Variants in RPS6KA2 observed in about 807,000 individuals in gnomAD.
The protein encoded by RPS6KA2 is ribosomal protein S6 kinase A2.
RPS6KA2 carries 42 observed loss-of-function variants against 91.8 expected under a neutral mutation model. That is an observed-to-expected ratio of 0.46 (90% confidence interval 0.36 to 0.59). The LOEUF is 0.59. Among genes scored for constraint, RPS6KA2 ranks in the 20% least tolerant of loss-of-function variants. RPS6KA2 has a pLI of 0.00. For synonymous variants in RPS6KA2, 414 were observed against 393.6 expected, an observed-to-expected ratio of 1.05 and a Z score of -0.61; for missense variants, 798 against 978.5, an observed-to-expected ratio of 0.82 and a Z score of 2.46.
intron 1 of RPS6KA2, among the ~76,000 whole-genome samples, chr6:166,540,713 T>C (rs1243592779): frequency 6.6e-6 from 1 of 152,158 alleles, no homozygotes; most frequent in East Asian, 1.9e-4. Flanking sequence ...TGCAGGACCA[T>C]GCTAGCCACC....
chr6:166,807,584 C>T (rs2128619582), intron 2 of RPS6KA2, among the ~76,000 whole-genome samples: 1 of 152,014 alleles, frequency 6.6e-6, no homozygotes, highest in South Asian at 2.1e-4. Context: ...TGAGTAGCAG[C>T]CCCATTCCTA....
At chr6:166,542,901 T>C (rs574232179) in intron 1 of RPS6KA2, among the ~76,000 whole-genome samples, 78 of 152,298 alleles carry the variant, frequency 5.1e-4, no homozygotes, top group African/African-American at 1.6e-3. Context: ...GGAAACAAAA[T>C]AGGCAAGGGT....
At chr6:166,510,594 T>G (rs1459158582) in intron 3 of RPS6KA2, among the ~76,000 whole-genome samples, 3 of 69,270 alleles carry the variant, frequency 4.3e-5, no homozygotes, top group Non-Finnish European at 8.9e-5. Context: ...TATATATATA[T>G]ATATATATAT....
At chr6:166,709,994 C>A (rs896136707) in intron 2 of RPS6KA2, among the ~76,000 whole-genome samples, 12 of 152,150 alleles carry the variant, frequency 7.9e-5, no homozygotes, top group African/African-American at 2.7e-4. Flanking sequence ...TATTATCGAA[C>A]CAGAATCTTC....
At chr6:166,610,402 C>T (rs1394407247) in intron 1 of RPS6KA2, among the ~76,000 whole-genome samples, 1 of 152,166 alleles carries the variant, frequency 6.6e-6, no homozygotes, top group Non-Finnish European at 1.5e-5. Flanking sequence ...ACTAGTTACC[C>T]ATCGGCTGTA....
chr6:166,631,259 G>A (rs146518869), upstream of RPS6KA2, among the ~76,000 whole-genome samples: 20 of 152,326 alleles, frequency 1.3e-4, no homozygotes, highest in Non-Finnish European at 2.9e-4. Flanking sequence ...GAAACCAGAG[G>A]GCCTGGTTTC....
At chr6:166,589,634 A>G (rs1291229072) in intron 1 of RPS6KA2, among the ~76,000 whole-genome samples, 2 of 152,178 alleles carry the variant, frequency 1.3e-5, no homozygotes, top group Non-Finnish European at 2.9e-5. Context: ...GAAACTGGGA[A>G]ATTGAACTTT....
At chr6:166,628,089 G>A (rs1242622052), upstream of RPS6KA2, 2 of 152,280 alleles carry the variant, frequency 1.3e-5, no homozygotes, top group Non-Finnish European at 2.9e-5. Context: ...CGTCTACACA[G>A]ATGGCTTATC....
chr6:166,640,922 G>A (rs188317657), intron 2 of RPS6KA2, among the ~76,000 whole-genome samples: 100 of 152,260 alleles, frequency 6.6e-4, no homozygotes, highest in African/African-American at 2.2e-3. Flanking sequence ...GTGGGAGTGT[G>A]GCAAAGAGCA....
At chr6:166,783,048 GTATTATTATTATTATTAT>G (rs71686287) in intron 2 of RPS6KA2, among the ~76,000 whole-genome samples, 4,965 of 134,666 alleles carry the variant, frequency 0.037, 145 homozygotes, top group Non-Finnish European at 0.048. Flanking sequence ...TATCTTTTAG[GTATTATTATTATTATTAT>G]TATTATTATT....
In RPS6KA2 at chr6:166,461,621, GCA is replaced by G. The variant is rs201733313; in HGVS notation, c.973-2072_973-2071del. Among the ~76,000 whole-genome samples, 151 of 148,140 alleles carry G rather than the reference GCA, an allele frequency of 1.0e-3. 1 individual carries two copies. The highest frequency in any genetic ancestry group is 3.6e-3 in the Middle Eastern group (1 of 278). ...GGGAAGGGGGTAAGAAAGAGAGAGAGCACGCACTAGCTCGATCCAGCACAGAG... is the reference window on the plus strand; with the variant it reads ...GGGAAGGGGGTAAGAAAGAGAGAGAGCGCACTAGCTCGATCCAGCACAGAG... On this transcript the variant is annotated intron_variant, in intron 11 of 20. Coordinates refer to ENST00000265678, the MANE Select transcript of RPS6KA2 (RefSeq NM_021135.6).
At chr6:166,736,321 A>G (rs1474241409) in intron 2 of RPS6KA2, among the ~76,000 whole-genome samples, 1 of 152,210 alleles carries the variant, frequency 6.6e-6, no homozygotes, top group African/African-American at 2.4e-5. Context: ...AGATTTTCTC[A>G]AGAGTCCCGT....
intron 2 of RPS6KA2, among the ~76,000 whole-genome samples, chr6:166,531,531 A>C (rs1008466919): frequency 6.6e-6 from 1 of 152,252 alleles, no homozygotes; most frequent in African/African-American, 2.4e-5. Context: ...TGTATGAAGA[A>C]GCGTCATTTG....
At chr6:166,630,138 C>G (rs1787028966), upstream of RPS6KA2, among the ~76,000 whole-genome samples, 1 of 152,098 alleles carries the variant, frequency 6.6e-6, no homozygotes, top group Non-Finnish European at 1.5e-5. Context: ...GGCGGGAGTC[C>G]CAGGCTGAGG....
chr6:166,684,793 C>T (rs186801692), intron 2 of RPS6KA2, among the ~76,000 whole-genome samples: 14 of 152,344 alleles, frequency 9.2e-5, no homozygotes, highest in South Asian at 2.1e-4. Context: ...CACCCTTCCC[C>T]CTGAACAACT....
intron 3 of RPS6KA2, among the ~76,000 whole-genome samples, chr6:166,525,771 G>A (rs1583240507): frequency 6.6e-6 from 1 of 152,348 alleles, no homozygotes; most frequent in South Asian, 2.1e-4. Flanking sequence ...CAGGTGGAGA[G>A]CATCCCTGCG....
chr6:166,413,993 C>A, intron 19 of RPS6KA2, 62 bp from the exon 20 acceptor site: 1 of 1,529,306 alleles, frequency 6.5e-7, no homozygotes, highest in Non-Finnish European at 8.9e-7. Flanking sequence ...GGTCAGAGAG[C>A]CTCCCCAGCA....
chr6:166,792,697 A>G (rs950840315), intron 2 of RPS6KA2, among the ~76,000 whole-genome samples: 8 of 152,248 alleles, frequency 5.3e-5, no homozygotes, highest in African/African-American at 1.9e-4. Flanking sequence ...AGGCTGGTTC[A>G]ATATATGCAA....
intron 1 of RPS6KA2, among the ~76,000 whole-genome samples, chr6:166,541,986 C>T (rs1032158453): frequency 6.6e-5 from 10 of 152,352 alleles, no homozygotes; most frequent in Non-Finnish European, 1.2e-4. Context: ...CCAAGAGCAT[C>T]ACCTTTCAGA....
Sources: gnomAD v4.1 joint callset for allele counts (sites outside exome capture counted in the v4.1 genomes callset) on GRCh38, gnomAD v4.1.1 for gene constraint, MANE v1.5 for transcripts, NCBI Gene and HGNC (gene_info 2026-07-23, HGNC 2026-07-21) for gene names.